The following FAM120C variants were observed in gnomAD, a reference collection of about 807,000 sequenced individuals.
The protein encoded by FAM120C is constitutive coactivator of PPAR-gamma-like protein 2.
Under a neutral mutation model 71.2 loss-of-function variants are expected in FAM120C, and 14 were observed. That is an observed-to-expected ratio of 0.20 (90% CI 0.13 to 0.31). The LOEUF (loss-of-function observed/expected upper bound fraction) is 0.31, where lower values mean the gene tolerates loss of function less well. FAM120C is among the 10% of genes least tolerant of loss of function. The probability of loss-of-function intolerance (pLI) is 1.00; values close to 1 mark genes in which losing one functional copy is unlikely to be tolerated. For missense variants in FAM120C, 500 were observed against 879.0 expected (o/e 0.57, Z 5.45); for synonymous variants, 354 against 353.2 (o/e 1.00, Z -0.03).
chrX:54,099,337 C>A (rs963007006), intron 10 of FAM120C, among the ~76,000 whole-genome samples: 1 of 111,015 alleles, frequency 9.0e-6, no homozygotes, highest in Non-Finnish European at 1.9e-5. Context: ...GCTAGTGTGG[C>A]CAGCCAATTG....
chrX:54,126,762 C>G (rs1337256126), intron 9 of FAM120C, among the ~76,000 whole-genome samples: 1 of 113,171 alleles, frequency 8.8e-6, no homozygotes, highest in Non-Finnish European at 1.9e-5. Context: ...AAATATTGAA[C>G]AAGTCTTACA....
chrX:54,107,773 C>T (rs1255067371), intron 10 of FAM120C, among the ~76,000 whole-genome samples: 3 of 103,013 alleles, frequency 2.9e-5, no homozygotes, highest in Admixed American at 1.1e-4. Flanking sequence ...CCACCCTCCT[C>T]GGCCTCCCAA....
intron 9 of FAM120C, among the ~76,000 whole-genome samples, chrX:54,117,994 C>T (rs933011843): frequency 4.5e-5 from 5 of 111,127 alleles, no homozygotes; most frequent in Admixed American, 1.9e-4. Context: ...GAGGCCGAGG[C>T]GGGCGGATCA....
chrX:54,138,070 A>G (rs1302371899), intron 4 of FAM120C, among the ~76,000 whole-genome samples: 2 of 111,969 alleles, frequency 1.8e-5, no homozygotes, highest in African/African-American at 6.5e-5. Flanking sequence ...ATATATATCA[A>G]TGGAAGAATA....
chrX:54,134,461 T>C lies in FAM120C; in HGVS notation c.1616+370A>G, dbSNP rs183177669. ...GAACCCTGTCTTAGTTACTAAGCAA[T>C]AAAATTGCTTACTCAACGATTCCAC... is the stretch of plus-strand genomic sequence containing the variant. On this transcript the variant is annotated intron_variant, in intron 7 of 15. Transcript: ENST00000375180. Among the ~76,000 whole-genome samples the C allele has an allele frequency of 3.6e-5, 4 of 112,039 alleles. No individual in the cohort carries two copies. The East Asian group carries it at 1.1e-3, about 31-fold the overall frequency.
chrX:54,175,417 C>A (rs1486538368), intron 1 of FAM120C, among the ~76,000 whole-genome samples: 1 of 110,871 alleles, frequency 9.0e-6, no homozygotes, highest in Non-Finnish European at 1.9e-5. Context: ...GTGGGCAGAT[C>A]ATGAAGGCAT....
chrX:54,069,623 G>A lies in FAM120C; in HGVS notation c.*3410C>T, dbSNP rs1271769293. 9.1e-6 allele frequency: 1 copy of A among 110,195 alleles called. No individual in the cohort carries two copies. The highest frequency in any genetic ancestry group is 1.9e-5 in the Non-Finnish European group (1 of 52,853). 9.1% of individuals were successfully genotyped at this position (110,195 alleles called of 1,213,427 possible). A position where few individuals can be genotyped will look rare whatever the true frequency, so the allele number is the denominator to read the frequency against. On this transcript the variant is annotated 3_prime_UTR_variant, in exon 16 of 16. Coordinates refer to ENST00000375180, the MANE Select transcript of FAM120C (RefSeq NM_017848.6). Reference sequence around the variant, plus strand: ...AACCACCCTCTGTAATGCCTTGTTCGACTGTTTTTCTCAGTGATCAAAAAA... The same window carrying A: ...AACCACCCTCTGTAATGCCTTGTTCAACTGTTTTTCTCAGTGATCAAAAAA...
chrX:54,125,113 G>A (rs2067019615), intron 9 of FAM120C, among the ~76,000 whole-genome samples: 1 of 109,340 alleles, frequency 9.1e-6, no homozygotes, highest in Non-Finnish European at 1.9e-5. Context: ...TGAGGCTGAG[G>A]CAGGAGAATT....
intron 10 of FAM120C, among the ~76,000 whole-genome samples, chrX:54,101,665 T>C (rs782091250): frequency 3.6e-5 from 4 of 112,111 alleles, no homozygotes; most frequent in South Asian, 3.7e-4. Flanking sequence ...ATTCTTAAGT[T>C]TGGCCTACAA....
intron 3 of FAM120C, among the ~76,000 whole-genome samples, chrX:54,153,081 G>A (rs1233767146): frequency 2.7e-5 from 3 of 111,288 alleles, no homozygotes; most frequent in Non-Finnish European, 5.6e-5. Flanking sequence ...GATAAGTGCT[G>A]TGCAGAGAAG....
chrX:54,146,391 T>C (rs868937575), intron 4 of FAM120C, among the ~76,000 whole-genome samples: 3 of 111,893 alleles, frequency 2.7e-5, no homozygotes, highest in Non-Finnish European at 5.6e-5. Flanking sequence ...TGAAAAATAA[T>C]ATAAGTTGGC....
At chrX:54,161,642 G>GT (rs1349754945) in intron 1 of FAM120C, among the ~76,000 whole-genome samples, 3 of 111,986 alleles carry the variant, frequency 2.7e-5, no homozygotes, top group Admixed American at 9.5e-5. Context: ...TTCTTGTTTT[G>GT]TTTTTTGGAA....
At chrX:54,083,436 C>CACAG (rs1409124845) in intron 13 of FAM120C, among the ~76,000 whole-genome samples, 1 of 76,113 alleles carries the variant, frequency 1.3e-5, no homozygotes, top group Non-Finnish European at 2.2e-5. Flanking sequence ...CCCATCTCCA[C>CACAG]ACACACACAC....
chrX:54,109,615 TAAAA>T (rs1311020135), intron 10 of FAM120C, among the ~76,000 whole-genome samples: 1 of 64,790 alleles, frequency 1.5e-5, no homozygotes. Flanking sequence ...ACCCTGGCTA[TAAAA>T]AAAAAAAAAA....
intron 1 of FAM120C, among the ~76,000 whole-genome samples, chrX:54,160,549 C>T (rs1557134307): frequency 9.0e-6 from 1 of 111,427 alleles, no homozygotes; most frequent in Non-Finnish European, 1.9e-5. Context: ...GTTAAGTACT[C>T]TTCCTGTACA....
Position 54,157,187 on chromosome X carries a change from G to A in FAM120C, c.1029+502C>T, listed in dbSNP as rs782494802. 5.4e-5 allele frequency among the ~76,000 whole-genome samples: 6 copies of A among 111,529 alleles called. No homozygotes were observed. In the South Asian group the frequency reaches 1.5e-3, roughly 27 times the overall value. On this transcript the variant is annotated intron_variant, in intron 3 of 15. Transcript: ENST00000375180. ...TTCATTATTTCATTATTGGGTTATC[G>A]GTATATTTCTTTATAGACTTGTATG...
At chrX:54,087,683 C>A in intron 12 of FAM120C, 72 bp downstream of exon 12, 1 of 1,014,393 alleles carries the variant, frequency 9.9e-7, no homozygotes, top group South Asian at 2.0e-5. Context: ...TATCTCTGCT[C>A]CTTTCCCCTC....
rs782062077 is a variant in FAM120C at position 54,079,653 on chromosome X, C to T, written c.3036+579G>A. On this transcript the variant is annotated intron_variant, in intron 15 of 15. Transcript: ENST00000375180. ...TCTCTACTAAAAATACAAAATTAGC[C>T]GGGCGTGGTGGTGCATGCCTATAAT... is the stretch of plus-strand genomic sequence containing the variant. Among the ~76,000 whole-genome samples the T allele has an allele frequency of 5.4e-5, 6 of 110,275 alleles. No homozygotes were observed. The South Asian group carries it at 1.9e-3, about 36-fold the overall frequency.
Position 54,134,951 on chromosome X carries a change from T to C in FAM120C, c.1496A>G (p.Tyr499Cys). The C allele has an allele frequency of 8.3e-7, 1 of 1,211,232 alleles. No individual in the cohort carries two copies. Among genetic ancestry groups the C allele is most frequent in the Non-Finnish European group, 1.1e-6 (1 of 895,419 alleles). The change falls in exon 7 of 16, where the codon TAT becomes TGT. Residue 499 changes from tyrosine to cysteine, a missense_variant. Physicochemically the swap from Tyr to Cys is radical, Grantham distance 194 (BLOSUM62 -2). Coordinates refer to ENST00000375180, the MANE Select transcript of FAM120C (RefSeq NM_017848.6). ...NSPFANWAVSYDSSASQFPNY... is the reference protein window; with the variant it reads ...NSPFANWAVSCDSSASQFPNY... Reference sequence around the variant, plus strand: ...GGGAAACTGGGATGCAGAAGAGTCATAGGAGACAGCCCAATTGGCAAAGGG... The same window carrying C: ...GGGAAACTGGGATGCAGAAGAGTCACAGGAGACAGCCCAATTGGCAAAGGG...
Sources: allele counts gnomAD v4.1 joint callset (sites outside exome capture counted in the v4.1 genomes callset), GRCh38; gene constraint gnomAD v4.1.1; transcripts MANE v1.5; gene names NCBI Gene and HGNC (gene_info 2026-07-23, HGNC 2026-07-21).